Variants in FUT8 observed in about 807,000 individuals in gnomAD.
FUT8 encodes fucosyltransferase 8.
In FUT8, 29 loss-of-function variants were observed where a neutral mutation model predicts 71.3. That is an observed-to-expected ratio of 0.41 (90% CI 0.30 to 0.55). FUT8 has a LOEUF of 0.55. FUT8 is among the 20% of genes least tolerant of loss of function. The pLI is 0.34. For synonymous variants in FUT8, 254 were observed against 239.3 expected, an observed-to-expected ratio of 1.06 and a Z score of -0.57; for missense variants, 544 against 702.1, an observed-to-expected ratio of 0.77 and a Z score of 2.55.
At chr14:65,545,620 AATG>A (rs1359557456) in intron 2 of FUT8, among the ~76,000 whole-genome samples, 14 of 151,826 alleles carry the variant, frequency 9.2e-5, no homozygotes, top group Non-Finnish European at 8.9e-5. Context: ...ACTTTGTAAT[AATG>A]ATTTTGGTTT....
chr14:65,369,291 A>C, the FUT8 span, among the ~76,000 whole-genome samples: 1 of 152,226 alleles, frequency 6.6e-6, no homozygotes, highest in South Asian at 2.1e-4. The surrounding 1 kb of genome is among the most constrained non-coding windows in gnomAD (Gnocchi z 4.6). Context: ...CAATGGCAAA[A>C]TGATAAGAAT....
At chr14:65,617,273 A>G (rs1889337297) in intron 5 of FUT8, 1 of 1,374,868 alleles carries the variant, frequency 7.3e-7, no homozygotes, top group African/African-American at 1.5e-5. Flanking sequence ...AGGTGAAATT[A>G]TAAATAAAAA....
intron 1 of FUT8, among the ~76,000 whole-genome samples, chr14:65,441,257 G>C (rs1004814556): frequency 2.0e-5 from 3 of 152,148 alleles, no homozygotes; most frequent in Non-Finnish European, 4.4e-5. Flanking sequence ...AGTTAGAAGA[G>C]ATTAGGGTTG....
chr14:65,689,416 TG>T (rs1333069712), intron 7 of FUT8, among the ~76,000 whole-genome samples: 1 of 152,232 alleles, frequency 6.6e-6, no homozygotes, highest in East Asian at 1.9e-4. Flanking sequence ...TTATATATTT[TG>T]GTTATAAGAG....
chr14:65,512,539 GACTTT>G (rs1191020300), intron 2 of FUT8, among the ~76,000 whole-genome samples: 1 of 152,120 alleles, frequency 6.6e-6, no homozygotes, highest in Non-Finnish European at 1.5e-5. Flanking sequence ...TGTGGTGCAT[GACTTT>G]ACTTTGTATG....
the FUT8 span, among the ~76,000 whole-genome samples, chr14:65,366,397 G>T: frequency 6.6e-6 from 1 of 152,168 alleles, no homozygotes; most frequent in Non-Finnish European, 1.5e-5. Flanking sequence ...ACTGGACATT[G>T]GAAAACTATT....
chr14:65,586,996 GGC>G (rs2140129127), intron 3 of FUT8, among the ~76,000 whole-genome samples: 1 of 152,180 alleles, frequency 6.6e-6, no homozygotes, highest in African/African-American at 2.4e-5. Flanking sequence ...AGACCATCCT[GGC>G]TAACACGGTG....
intron 7 of FUT8, among the ~76,000 whole-genome samples, chr14:65,699,138 T>C: frequency 2.3e-5 from 3 of 131,822 alleles, no homozygotes; most frequent in South Asian, 2.5e-4. Context: ...AAACACTCCC[T>C]CCCTTCTACA....
chr14:65,385,691 C>T, the FUT8 span, among the ~76,000 whole-genome samples: 17 of 152,142 alleles, frequency 1.1e-4, no homozygotes, highest in South Asian at 4.2e-4. Flanking sequence ...TGAGTTTTCA[C>T]GGCAACTATT....
chr14:65,670,892 G>A (rs375510165), intron 7 of FUT8, among the ~76,000 whole-genome samples: 8 of 152,158 alleles, frequency 5.3e-5, no homozygotes, highest in African/African-American at 7.2e-5. Flanking sequence ...TATATCACCC[G>A]ATTTTTTATT....
chr14:65,394,410 G>A, the FUT8 span, among the ~76,000 whole-genome samples: 1,236 of 152,306 alleles, frequency 8.1e-3, 44 homozygotes, highest in Admixed American at 0.064. Context: ...TTCAAGATGA[G>A]ATTTGGGTGG....
intron 7 of FUT8, among the ~76,000 whole-genome samples, chr14:65,675,243 C>G (rs748443160): frequency 1.3e-5 from 2 of 152,192 alleles, no homozygotes; most frequent in East Asian, 1.9e-4. Flanking sequence ...TACACTCTTA[C>G]AATTACAGAT....
At chr14:65,389,375 ATT>A in the FUT8 span, among the ~76,000 whole-genome samples, 2 of 112,468 alleles carry the variant, frequency 1.8e-5, no homozygotes, top group Non-Finnish European at 4.3e-5. Context: ...ACACCCTGAT[ATT>A]TTTTTTTTTT....
intron 2 of FUT8, among the ~76,000 whole-genome samples, chr14:65,525,172 G>T (rs1203688335): frequency 6.6e-6 from 1 of 152,074 alleles, no homozygotes; most frequent in Non-Finnish European, 1.5e-5. Context: ...GGTAGAATTC[G>T]GTTGTGAATC....
intron 10 of FUT8, among the ~76,000 whole-genome samples, chr14:65,739,598 G>GTA (rs1268734202): frequency 6.6e-6 from 1 of 152,004 alleles, no homozygotes; most frequent in African/African-American, 2.4e-5. Flanking sequence ...GTCATCCTAA[G>GTA]AGTAACACAA....
At chr14:65,695,355 A>G (rs1893938939) in intron 7 of FUT8, among the ~76,000 whole-genome samples, 1 of 152,202 alleles carries the variant, frequency 6.6e-6, no homozygotes. Flanking sequence ...GGTGCATTAT[A>G]CATATTAGGT....
chr14:65,709,847 T>G (rs1381734731), intron 7 of FUT8, among the ~76,000 whole-genome samples: 1 of 152,196 alleles, frequency 6.6e-6, no homozygotes, highest in East Asian at 1.9e-4. Context: ...GGCACTTCTC[T>G]TCTACCATGT....
chr14:65,608,672 G>A (rs569023056), intron 3 of FUT8, among the ~76,000 whole-genome samples: 18 of 151,788 alleles, frequency 1.2e-4, no homozygotes, highest in African/African-American at 4.4e-4. Context: ...TAACATGTAG[G>A]CATCCTTAAA....
At chr14:65,722,729 G>T (rs1186943263) in intron 8 of FUT8, among the ~76,000 whole-genome samples, 3 of 152,188 alleles carry the variant, frequency 2.0e-5, no homozygotes, top group Non-Finnish European at 4.4e-5. Flanking sequence ...AAGGAAAGAT[G>T]ATAGAATAGA....
Sources: gnomAD v4.1 joint callset for allele counts (sites outside exome capture counted in the v4.1 genomes callset) on GRCh38, gnomAD v4.1.1 for gene constraint, Gnocchi (gnomAD v3.1) non-coding constraint, MANE v1.5 for transcripts, NCBI Gene and HGNC (gene_info 2026-07-23, HGNC 2026-07-21) for gene names.